ZNF398: variants seen among roughly 807,000 people sequenced by gnomAD.
ZNF398 encodes zinc finger protein 398.
Under a neutral mutation model 41.9 loss-of-function variants are expected in ZNF398, and 18 were observed. The ratio of observed to expected loss-of-function variants is 0.43; its 90% CI spans 0.30 to 0.64. The LOEUF (loss-of-function observed/expected upper bound fraction) is 0.64. ZNF398 is among the 30% of genes least tolerant of loss of function. The probability of loss-of-function intolerance (pLI) is 0.14; values close to 1 mark genes in which losing one functional copy is unlikely to be tolerated. For synonymous variants in ZNF398, 260 were observed against 308.8 expected, an observed-to-expected ratio of 0.84 and a Z score of 1.66; for missense variants, 669 against 822.8, an observed-to-expected ratio of 0.81 and a Z score of 2.29.
Position 149,129,402 on chromosome 7 carries a change from C to T in ZNF398, c.-490+458C>T, listed in dbSNP as rs187023189. On this transcript the variant is annotated intron_variant, in intron 2 of 6. Transcript: ENST00000426851. ...ATTTTTTATTGTTATTTTTTTGAGA[C>T]GGAGTCTTGCTCTGTTGCCCAGGCT... Among the ~76,000 whole-genome samples, 61 of 152,106 alleles carry T rather than the reference C, an allele frequency of 4.0e-4. No homozygotes were observed. The East Asian group carries it at 9.5e-3, about 24-fold the overall frequency.
chr7:149,152,072 A>T (rs991665610), intron 1 of ZNF398, among the ~76,000 whole-genome samples: 1 of 151,726 alleles, frequency 6.6e-6, no homozygotes, highest in African/African-American at 2.4e-5. Flanking sequence ...AAATTAGCTG[A>T]GCATGGTGGC....
chr7:149,139,067 C>G (rs897004881), intron 2 of ZNF398, among the ~76,000 whole-genome samples: 1 of 151,938 alleles, frequency 6.6e-6, no homozygotes, highest in African/African-American at 2.4e-5. Context: ...CACGCCACCA[C>G]GCCCAGCTAA....
chr7:149,137,405 A>G (rs1326832149), intron 2 of ZNF398, among the ~76,000 whole-genome samples: 1 of 151,992 alleles, frequency 6.6e-6, no homozygotes, highest in Non-Finnish European at 1.5e-5. Flanking sequence ...CTTTTAACAC[A>G]GAGTCTTGCT....
chr7:149,148,614 T>A (rs957962067), intron 1 of ZNF398: 1 of 372,050 alleles, frequency 2.7e-6, no homozygotes, highest in Non-Finnish European at 3.7e-6. Context: ...CCTCCACTCT[T>A]GGACCTGTTT....
chr7:149,180,307 CCT>C lies in ZNF398; in HGVS notation c.*512_*513del, dbSNP rs1168222310. 2 of 152,762 alleles carry C rather than the reference CCT, an allele frequency of 1.3e-5. No homozygotes were observed. The highest frequency in any genetic ancestry group is 2.9e-5 in the Non-Finnish European group (2 of 68,468). 9.5% of individuals were successfully genotyped at this position (152,762 alleles called of 1,614,324 possible). A position where few individuals can be genotyped will look rare whatever the true frequency, so the allele number is the denominator to read the frequency against. On this transcript the variant is annotated 3_prime_UTR_variant, in exon 6 of 6. Coordinates refer to ENST00000475153, the MANE Select transcript of ZNF398 (RefSeq NM_170686.3). ...TAAGCCACTGTTTATGTTGCTGCCTCCTCTCTCAAAACCAGCCAAGATCTGTT... is the reference window on the plus strand; with the variant it reads ...TAAGCCACTGTTTATGTTGCTGCCTCCTCTCAAAACCAGCCAAGATCTGTT...
intron 2 of ZNF398, among the ~76,000 whole-genome samples, chr7:149,134,850 C>T (rs1178316357): frequency 1.3e-5 from 2 of 152,126 alleles, no homozygotes; most frequent in Admixed American, 1.3e-4. Context: ...CATGCCTCAG[C>T]CTCCCAAGCA....
At position 149,178,636 on chromosome 7, in the gene ZNF398, C is replaced by A; in HGVS notation, c.776-12C>A. The stretch of plus-strand genomic sequence containing the variant: ...TTATTGATGGGTATAACTCTGGAGT[C>A]TTTTCTTTCAGATGAAGAGCTTGTC... On this transcript the variant is annotated splice_polypyrimidine_tract_variant and intron_variant, in intron 5 of 5. Transcript: ENST00000475153. The A allele has an allele frequency of 6.2e-7, 1 of 1,608,472 alleles. No homozygotes were observed. The highest frequency in any genetic ancestry group is 8.5e-7 in the Non-Finnish European group (1 of 1,177,408).
intron 4 of ZNF398, among the ~76,000 whole-genome samples, chr7:149,174,926 C>T (rs540520397): frequency 7.9e-5 from 12 of 152,128 alleles, no homozygotes; most frequent in East Asian, 7.7e-4. Flanking sequence ...TCTTTCCCCC[C>T]CTCTGCCTTT....
At chr7:149,159,443 C>T (rs1270216965) in intron 2 of ZNF398, among the ~76,000 whole-genome samples, 3 of 151,316 alleles carry the variant, frequency 2.0e-5, no homozygotes, top group East Asian at 2.0e-4. Context: ...GTCAAGAGAT[C>T]GAGACCATCT....
At chr7:149,127,549 A>C (rs1408891798) in intron 1 of ZNF398, among the ~76,000 whole-genome samples, 1 of 11,372 alleles carries the variant, frequency 8.8e-5, no homozygotes, top group Non-Finnish European at 2.3e-4. Context: ...CTAAAAATAC[A>C]AAAAAAAAAA....
Position 149,147,703 on chromosome 7 carries a change from G to A in ZNF398, c.-40G>A. On this transcript the variant is annotated 5_prime_UTR_variant, in exon 1 of 6. Transcript: ENST00000475153. This position sits in a 1 kb window ranked among gnomAD's most constrained non-coding sequence, Gnocchi z 5.6. The stretch of plus-strand genomic sequence containing the variant: ...CGGGCGCGGTGGCAGCGGCGGCAGC[G>A]GCGGCGACTTCCGAGGCCCGGGCTA... 7.8e-7 allele frequency: 1 copy of A among 1,285,014 alleles called. No individual in the cohort carries two copies. The highest frequency in any genetic ancestry group is 9.8e-7 in the Non-Finnish European group (1 of 1,018,868). 79.6% of individuals were successfully genotyped at this position (1,285,014 alleles called of 1,614,324 possible).
chr7:149,143,674 T>C (rs1300360625), upstream of ZNF398, among the ~76,000 whole-genome samples: 2 of 152,090 alleles, frequency 1.3e-5, no homozygotes, highest in African/African-American at 2.4e-5. Flanking sequence ...TTAGCCCCCA[T>C]GGTGGCGCAT....
At chr7:149,169,829 T>G (rs1224748006) in intron 4 of ZNF398, among the ~76,000 whole-genome samples, 2 of 152,156 alleles carry the variant, frequency 1.3e-5, no homozygotes, top group Non-Finnish European at 2.9e-5. Context: ...GATTTCGTGA[T>G]CTGCTAGGAG....
chr7:149,148,106 GGA>G (rs2129520000), intron 1 of ZNF398: 1 of 292,150 alleles, frequency 3.4e-6, no homozygotes, highest in African/African-American at 2.2e-5. Flanking sequence ...GTTGGGCTGG[GGA>G]GCCGTCAGCC....
chr7:149,148,863 C>CTTTTTTTTTTTTTTTTTTTT lies in ZNF398; in HGVS notation c.24+1106_24+1125dup, dbSNP rs59895177. Among the ~76,000 whole-genome samples the CTTTTTTTTTTTTTTTTTTTT allele has an allele frequency of 1.4e-4, 9 of 63,282 alleles. 1 individual carries two copies. The highest frequency in any genetic ancestry group is 4.8e-4 in the African/African-American group (7 of 14,464). 41.5% of individuals were successfully genotyped at this position (63,282 alleles called of 152,430 possible). A position where few individuals can be genotyped will look rare whatever the true frequency, so the allele number is the denominator to read the frequency against. On this transcript the variant is annotated intron_variant, in intron 1 of 5. Coordinates refer to ENST00000475153, the MANE Select transcript of ZNF398 (RefSeq NM_170686.3). Reference sequence around the variant, plus strand: ...TTTATGCACGGACCTTTTTCTTTGTCTTTTTTTTTTTTTTTTTTTTTTTTT... The same window carrying CTTTTTTTTTTTTTTTTTTTT: ...TTTATGCACGGACCTTTTTCTTTGTCTTTTTTTTTTTTTTTTTTTTTTTTTTTTTTTTTTTTTTTTTTTTT...
chr7:149,177,282 T>C (rs1230565951), intron 5 of ZNF398, among the ~76,000 whole-genome samples: 1 of 152,106 alleles, frequency 6.6e-6, no homozygotes, highest in Non-Finnish European at 1.5e-5. Context: ...ACGACTTATA[T>C]AAATGAATGA....
intron 1 of ZNF398, among the ~76,000 whole-genome samples, chr7:149,150,191 G>A (rs912574394): frequency 3.9e-5 from 6 of 152,138 alleles, no homozygotes; most frequent in African/African-American, 1.2e-4. Flanking sequence ...AATGAATTTA[G>A]GTCTGATTAA....
chr7:149,166,390 C>T (rs1466010261), intron 3 of ZNF398, 106 bp downstream of exon 3: 7 of 1,425,246 alleles, frequency 4.9e-6, no homozygotes, highest in Non-Finnish European at 6.7e-6. Context: ...TCTTCACACA[C>T]TTCAAATTCT....
chr7:149,128,746 C>CT (rs1337120934), intron 1 of ZNF398: 1 of 10,214 alleles, frequency 9.8e-5, no homozygotes, highest in East Asian at 0.071. Flanking sequence ...GAGGGAGACT[C>CT]TGTCTCAAAA....
Sources: gnomAD v4.1 joint callset for allele counts (sites outside exome capture counted in the v4.1 genomes callset) on GRCh38, gnomAD v4.1.1 for gene constraint, Gnocchi (gnomAD v3.1) non-coding constraint, MANE v1.5 for transcripts, NCBI Gene and HGNC (gene_info 2026-07-23, HGNC 2026-07-21) for gene names.